TRIM24: variants seen among roughly 807,000 people sequenced by gnomAD.
The protein encoded by TRIM24 is transcription intermediary factor 1-alpha.
TRIM24 carries 29 observed loss-of-function variants against 123.9 expected under a neutral mutation model. The ratio of observed to expected loss-of-function variants is 0.23; its 90% CI spans 0.17 to 0.32. The LOEUF is 0.32. TRIM24 is among the 10% of genes least tolerant of loss of function. The probability of loss-of-function intolerance (pLI) is 1.00; values close to 1 mark genes in which losing one functional copy is unlikely to be tolerated. For missense variants in TRIM24, 932 were observed against 1,295.3 expected, an observed-to-expected ratio of 0.72 and a Z score of 4.31; for synonymous variants, 456 against 461.1, an observed-to-expected ratio of 0.99 and a Z score of 0.14.
intron 1 of TRIM24, among the ~76,000 whole-genome samples, chr7:138,495,555 G>A (rs898227908): frequency 1.6e-4 from 25 of 151,790 alleles, no homozygotes; most frequent in African/African-American, 5.6e-4. Flanking sequence ...TTTTTTCTTT[G>A]TATTTAAGGC....
chr7:138,494,023 C>G (rs1386690993), intron 1 of TRIM24, among the ~76,000 whole-genome samples: 1 of 151,866 alleles, frequency 6.6e-6, no homozygotes, highest in Non-Finnish European at 1.5e-5. Context: ...CTCTTATTGC[C>G]CAGGCTGGAG....
chr7:138,521,184 C>T (rs1206994973), intron 4 of TRIM24, among the ~76,000 whole-genome samples: 1 of 152,020 alleles, frequency 6.6e-6, no homozygotes, highest in East Asian at 1.9e-4. Flanking sequence ...TTTAAAGTAC[C>T]TCTTAGTAGA....
In TRIM24 at chr7:138,554,962, A is replaced by G. The variant is rs960638263; in HGVS notation, c.1526A>G (p.His509Arg). 1.2e-6 allele frequency: 2 copies of G among 1,611,440 alleles called. No individual in the cohort carries two copies. The highest frequency in any genetic ancestry group is 1.7e-6 in the Non-Finnish European group (2 of 1,178,128). ...CCCATCCAGCAACCTTCCATCTCTC[A>G]TCAGGTAAATTTGGAAGCAGGCCTG... ...QGPIQQPSIS[H>R]QQPPPRLINF... Residue 509 changes from histidine (H) to arginine (R), a missense_variant, in exon 9 of 19, where the codon CAT becomes CGT. His to Arg is a conservative substitution (Grantham distance 29, BLOSUM62 0). Coordinates refer to ENST00000343526, the MANE Select transcript of TRIM24 (RefSeq NM_015905.3). This position sits in a 1 kb window ranked among gnomAD's most constrained non-coding sequence, Gnocchi z 4.5.
At chr7:138,524,212 A>G (rs1024440571) in intron 4 of TRIM24, among the ~76,000 whole-genome samples, 1 of 152,230 alleles carries the variant, frequency 6.6e-6, no homozygotes, top group Non-Finnish European at 1.5e-5. Context: ...CAAACTAGAA[A>G]TAAAAAAGAA....
Position 138,571,084 on chromosome 7 carries a change from C to A in TRIM24, c.1878+81C>A. 2.1e-6 allele frequency: 3 copies of A among 1,399,986 alleles called. No individual in the cohort carries two copies. The South Asian group carries it at 3.8e-5, about 18-fold the overall frequency. The allele number at this position is 1,399,986 out of a possible 1,614,324, so 86.7% of individuals were successfully genotyped here. A position where few individuals can be genotyped will look rare whatever the true frequency, so the allele number is the denominator to read the frequency against. On this transcript the variant is annotated intron_variant, in intron 11 of 18. Coordinates refer to ENST00000343526, the MANE Select transcript of TRIM24 (RefSeq NM_015905.3). ...GTGGCTCACTCCTGTAATCCCAGCA[C>A]TTTGGGAGGCTGAGGCAGACAGATT...
intron 6 of TRIM24, among the ~76,000 whole-genome samples, chr7:138,537,380 T>TTTG (rs1796907643): frequency 2.2e-5 from 1 of 46,428 alleles, no homozygotes; most frequent in African/African-American, 8.4e-5. Context: ...CCCCTGTTTG[T>TTTG]TTTTTTTTTT....
At chr7:138,580,831 G>A (rs1025006850) in intron 16 of TRIM24, 137 bp downstream of exon 16, 3 of 785,404 alleles carry the variant, frequency 3.8e-6, no homozygotes, top group African/African-American at 3.6e-5. Flanking sequence ...GTTTACAAAG[G>A]TACATGAATC....
intron 8 of TRIM24, among the ~76,000 whole-genome samples, chr7:138,553,864 G>A (rs530570647): frequency 7.9e-5 from 12 of 152,254 alleles, no homozygotes; most frequent in African/African-American, 2.9e-4. Context: ...ATAGGACCAT[G>A]TTTGAGAGGC....
At chr7:138,575,212 T>C (rs966419038) in intron 12 of TRIM24, among the ~76,000 whole-genome samples, 2 of 152,232 alleles carry the variant, frequency 1.3e-5, no homozygotes, top group Non-Finnish European at 2.9e-5. Flanking sequence ...GGAGAAGTTA[T>C]GGGCTACTTA....
intron 1 of TRIM24, among the ~76,000 whole-genome samples, chr7:138,462,433 C>T (rs1407072140): frequency 1.3e-5 from 2 of 150,604 alleles, no homozygotes; most frequent in African/African-American, 4.9e-5. Context: ...CTCCGCCTCC[C>T]GGGTTCACGC....
rs573528797 is a variant in TRIM24 at position 138,488,151 on chromosome 7, C to G, written c.365-16139C>G. Among the ~76,000 whole-genome samples, 23 of 152,222 alleles carry G rather than the reference C, an allele frequency of 1.5e-4. No individual in the cohort carries two copies. In the South Asian group the frequency reaches 2.9e-3, roughly 19 times the overall value. On this transcript the variant is annotated intron_variant, in intron 1 of 18. Coordinates refer to ENST00000343526, the MANE Select transcript of TRIM24 (RefSeq NM_015905.3). The stretch of plus-strand genomic sequence containing the variant: ...TCTGTAGAGGTGTTAATAGTATTCT[C>G]TGATGGTAGTTTGTATTTCTGTGGG...
At chr7:138,508,692 T>TGTGTGTGCGCGTGCGC (rs1422176564) in intron 2 of TRIM24, among the ~76,000 whole-genome samples, 1 of 137,214 alleles carries the variant, frequency 7.3e-6, no homozygotes, top group Non-Finnish European at 1.6e-5. Context: ...TGTGTGTGTG[T>TGTGTGTGCGCGTGCGC]GCGCGCGCGT....
intron 1 of TRIM24, among the ~76,000 whole-genome samples, chr7:138,496,949 T>C (rs1402289699): frequency 6.6e-6 from 1 of 152,184 alleles, no homozygotes; most frequent in Admixed American, 6.5e-5. Flanking sequence ...GTATATGTAT[T>C]TTTATGTATT....
rs577317171 is a variant in TRIM24, at chr7:138,466,463, C to CT, written c.364+5569dup. On this transcript the variant is annotated intron_variant, in intron 1 of 18. Coordinates refer to ENST00000343526, the MANE Select transcript of TRIM24 (RefSeq NM_015905.3). ...TTTGCAAATTTCAAAACTTAAGTTGCTTTTTTTTTTTTTTTTTTGGAGACA... is the reference window on the plus strand; with the variant it reads ...TTTGCAAATTTCAAAACTTAAGTTGCTTTTTTTTTTTTTTTTTTTGGAGACA... 4.7e-3 allele frequency among the ~76,000 whole-genome samples: 348 copies of CT among 74,042 alleles called. 24 individuals are homozygous for CT. Among genetic ancestry groups the CT allele is most frequent in the African/African-American group, 0.014 (259 of 18,062 alleles). 48.6% of individuals were successfully genotyped at this position (74,042 alleles called of 152,430 possible). A position where few individuals can be genotyped will look rare whatever the true frequency, so the allele number is the denominator to read the frequency against.
intron 5 of TRIM24, among the ~76,000 whole-genome samples, chr7:138,528,514 A>C (rs375039309): frequency 4.0e-5 from 6 of 150,792 alleles, no homozygotes; most frequent in South Asian, 2.1e-4. Flanking sequence ...TTTTAATTTT[A>C]TTTTTCTTTT....
At chr7:138,513,585 T>C (rs1230789931) in intron 2 of TRIM24, among the ~76,000 whole-genome samples, 1 of 151,752 alleles carries the variant, frequency 6.6e-6, no homozygotes, top group Non-Finnish European at 1.5e-5. Context: ...CGCCACACAC[T>C]TAAACAACTA....
chr7:138,561,550 T>C (rs972917998), intron 9 of TRIM24, among the ~76,000 whole-genome samples: 6 of 152,210 alleles, frequency 3.9e-5, no homozygotes, highest in African/African-American at 1.4e-4. Context: ...GATGGTCAGT[T>C]GCTGCCCTAG....
chr7:138,485,676 CT>C lies in TRIM24; in HGVS notation c.365-18608del, dbSNP rs1795629771. On this transcript the variant is annotated intron_variant, in intron 1 of 18. Transcript: ENST00000343526. ...TCCCTACAAAGGACATGAACTCATC[CT>C]TTTTTATGGCTGCATAGTATTCCAT... Among the ~76,000 whole-genome samples the C allele has an allele frequency of 2.0e-5, 3 of 152,096 alleles. No individual in the cohort carries two copies. The South Asian group carries it at 6.2e-4, about 32-fold the overall frequency.
intron 1 of TRIM24, among the ~76,000 whole-genome samples, chr7:138,498,328 C>G (rs7795981): frequency 0.32 from 48,201 of 151,530 alleles, 7,790 homozygotes; most frequent in East Asian, 0.5. Context: ...GGGTTCAAGC[C>G]ATCCTCCTGC....
Sources: gnomAD v4.1 joint callset for allele counts (sites outside exome capture counted in the v4.1 genomes callset) on GRCh38, gnomAD v4.1.1 for gene constraint, Gnocchi (gnomAD v3.1) non-coding constraint, MANE v1.5 for transcripts, NCBI Gene and HGNC (gene_info 2026-07-23, HGNC 2026-07-21) for gene names.